The following FAM117A variants were observed in gnomAD, a reference collection of about 807,000 sequenced individuals.
The protein encoded by FAM117A is family with sequence similarity 117 member A, also known as protein FAM117A.
FAM117A carries 21 observed loss-of-function variants against 44.1 expected under a neutral mutation model. The observed-to-expected ratio is 0.48, with a 90% CI of 0.34 to 0.69. The LOEUF (loss-of-function observed/expected upper bound fraction) is 0.69. FAM117A is among the 30% of genes least tolerant of loss of function. The pLI is 0.01. For missense variants in FAM117A, 498 were observed against 589.9 expected (o/e 0.84, Z 1.61); for synonymous variants, 220 against 238.3 (o/e 0.92, Z 0.71).
chr17:49,756,714 G>A (rs1222179755), intron 1 of FAM117A, among the ~76,000 whole-genome samples: 6 of 151,992 alleles, frequency 3.9e-5, no homozygotes, highest in Admixed American at 1.3e-4. Flanking sequence ...TCAGGAGTTC[G>A]AGACCAGACT....
intron 1 of FAM117A, among the ~76,000 whole-genome samples, chr17:49,781,525 C>A (rs941765449): frequency 2.0e-5 from 3 of 152,184 alleles, no homozygotes; most frequent in African/African-American, 4.8e-5. Flanking sequence ...CAGACACTCA[C>A]TGCAGCATTA....
chr17:49,786,770 C>A (rs2073809170), intron 1 of FAM117A, among the ~76,000 whole-genome samples: 1 of 142,792 alleles, frequency 7.0e-6, no homozygotes, highest in African/African-American at 2.7e-5. Flanking sequence ...GAGCAAAACC[C>A]TGTCTCAGAA....
At chr17:49,762,978 T>TA (rs962906091) in intron 1 of FAM117A, among the ~76,000 whole-genome samples, 8 of 152,078 alleles carry the variant, frequency 5.3e-5, no homozygotes, top group African/African-American at 1.9e-4. Context: ...GAAAGTGGGG[T>TA]ACTTGCCACC....
chr17:49,788,986 G>A, upstream of FAM117A: 1 of 743,390 alleles, frequency 1.3e-6, no homozygotes, highest in Non-Finnish European at 2.0e-6. Flanking sequence ...CCTCTCTTCT[G>A]TCCATACCCA....
At chr17:49,724,822 GAA>G (rs906558600) in intron 2 of FAM117A, among the ~76,000 whole-genome samples, 37 of 43,600 alleles carry the variant, frequency 8.5e-4, no homozygotes, top group African/African-American at 2.5e-3. Context: ...ACAGTCTCAA[GAA>G]AAAAAAAAAA....
intron 1 of FAM117A, among the ~76,000 whole-genome samples, chr17:49,744,111 A>G (rs2073645179): frequency 6.6e-6 from 1 of 152,200 alleles, no homozygotes; most frequent in African/African-American, 2.4e-5. Context: ...TCCCTAACTT[A>G]AAACAAACTG....
At chr17:49,788,860 GGA>G, upstream of FAM117A, 2 of 1,584,762 alleles carry the variant, frequency 1.3e-6, no homozygotes, top group Non-Finnish European at 1.7e-6. Flanking sequence ...GTGAGAAACG[GGA>G]GAGGAGGGAT....
chr17:49,778,320 G>C (rs952958758), intron 1 of FAM117A, among the ~76,000 whole-genome samples: 1 of 152,188 alleles, frequency 6.6e-6, no homozygotes, highest in Non-Finnish European at 1.5e-5. Flanking sequence ...AGGTGCTGGA[G>C]ATATGCAGAT....
chr17:49,779,526 C>T (rs2073783622), intron 1 of FAM117A, among the ~76,000 whole-genome samples: 1 of 152,168 alleles, frequency 6.6e-6, no homozygotes, highest in African/African-American at 2.4e-5. Flanking sequence ...CTCAGCTCTG[C>T]ATGACATTTG....
intron 1 of FAM117A, among the ~76,000 whole-genome samples, chr17:49,762,882 C>T (rs899796797): frequency 2.6e-5 from 4 of 152,156 alleles, no homozygotes; most frequent in Non-Finnish European, 5.9e-5. Flanking sequence ...ATTTGAGTAT[C>T]AAAGCAAGGT....
chr17:49,758,593 C>G (rs1304776709), intron 1 of FAM117A, among the ~76,000 whole-genome samples: 1 of 146,944 alleles, frequency 6.8e-6, no homozygotes, highest in African/African-American at 2.5e-5. Flanking sequence ...CATTGCGCTC[C>G]ATCCTGGGTG....
chr17:49,714,756 C>T (rs775174078), intron 7 of FAM117A, among the ~76,000 whole-genome samples: 6 of 151,806 alleles, frequency 4.0e-5, no homozygotes, highest in Non-Finnish European at 8.8e-5. Flanking sequence ...AAGCGATTCT[C>T]CTGCCTCAGC....
chr17:49,782,699 A>AC (rs1381091886), intron 1 of FAM117A, among the ~76,000 whole-genome samples: 2 of 124,060 alleles, frequency 1.6e-5, no homozygotes, highest in Non-Finnish European at 2.0e-5. Context: ...CAAAAAAAAA[A>AC]AAAAAAAAAA....
At chr17:49,755,254 G>A (rs1182696488) in intron 1 of FAM117A, among the ~76,000 whole-genome samples, 1 of 152,112 alleles carries the variant, frequency 6.6e-6, no homozygotes, top group Non-Finnish European at 1.5e-5. Context: ...GCTGGCTTGG[G>A]AGAGGGGCGC....
upstream of FAM117A, chr17:49,788,966 G>A (rs2073845342): frequency 1.0e-6 from 1 of 957,124 alleles, no homozygotes; most frequent in Non-Finnish European, 1.5e-6. Context: ...CCCGAACCTT[G>A]TTCAGCTACC....
In FAM117A at chr17:49,711,081, A is replaced by G; in HGVS notation, c.*174T>C. The G allele has an allele frequency of 3.3e-6, 2 of 608,006 alleles. No individual in the cohort carries two copies. The highest frequency in any genetic ancestry group is 5.5e-6 in the Non-Finnish European group (2 of 361,330). 37.7% of individuals were successfully genotyped at this position (608,006 alleles called of 1,614,324 possible). ...GGAGAAGGCAGGTCCCATCACGTTC[A>G]GAGGGGCCGGTGCCCATCAAAAAGA... On this transcript the variant is annotated 3_prime_UTR_variant, in exon 8 of 8. Coordinates refer to ENST00000240364, the MANE Select transcript of FAM117A (RefSeq NM_030802.4).
chr17:49,743,797 G>A (rs1567832319), intron 1 of FAM117A, among the ~76,000 whole-genome samples: 1 of 151,904 alleles, frequency 6.6e-6, no homozygotes, highest in Non-Finnish European at 1.5e-5. Flanking sequence ...ATGGTGGCAC[G>A]ACATGCCTGT....
At chr17:49,739,860 GCC>G (rs1426206125) in intron 1 of FAM117A, among the ~76,000 whole-genome samples, 2 of 152,220 alleles carry the variant, frequency 1.3e-5, no homozygotes, top group Non-Finnish European at 2.9e-5. Flanking sequence ...GGTATTATCA[GCC>G]CATCACATGC....
intron 1 of FAM117A, among the ~76,000 whole-genome samples, chr17:49,745,121 C>T (rs955988686): frequency 6.6e-6 from 1 of 151,870 alleles, no homozygotes; most frequent in Non-Finnish European, 1.5e-5. Context: ...GATACAGAAC[C>T]CACAGATACA....
Sources: gnomAD v4.1 joint callset for allele counts (sites outside exome capture counted in the v4.1 genomes callset) on GRCh38, gnomAD v4.1.1 for gene constraint, MANE v1.5 for transcripts, NCBI Gene and HGNC (gene_info 2026-07-23, HGNC 2026-07-21) for gene names.